The following PLEKHG1 variants were observed in gnomAD, a reference collection of about 807,000 sequenced individuals.
The protein encoded by PLEKHG1 is pleckstrin homology and RhoGEF domain containing G1.
A neutral mutation model predicts 100.8 loss-of-function variants in PLEKHG1; 44 were observed. That is an observed-to-expected ratio of 0.44 (90% CI 0.34 to 0.56). The LOEUF (loss-of-function observed/expected upper bound fraction) is 0.56, where lower values mean the gene tolerates loss of function less well. Ranked by LOEUF, PLEKHG1 falls within the 20% of genes least tolerant of loss-of-function variation. PLEKHG1 has a pLI of 0.01. For synonymous variants in PLEKHG1, 640 were observed against 662.5 expected (o/e 0.97, Z 0.52); for missense variants, 1,545 against 1,720.9 (o/e 0.90, Z 1.81).
intron 3 of PLEKHG1, among the ~76,000 whole-genome samples, chr6:150,687,303 G>A (rs1338730009): frequency 6.6e-6 from 1 of 152,126 alleles, no homozygotes; most frequent in African/African-American, 2.4e-5. Context: ...TTGCCTAGTA[G>A]GATGAAAAAG....
chr6:150,674,670 TCTCTCTCTCTCTCC>T (rs1408804277), intron 3 of PLEKHG1, among the ~76,000 whole-genome samples: 38 of 144,166 alleles, frequency 2.6e-4, no homozygotes, highest in Admixed American at 4.9e-4. Context: ...TCTCTCTCTC[TCTCTCTCTCTCTCC>T]CCCCTCTTCT....
chr6:150,769,807 A>G (rs1002586911), intron 3 of PLEKHG1, among the ~76,000 whole-genome samples: 1 of 152,068 alleles, frequency 6.6e-6, no homozygotes, highest in African/African-American at 2.4e-5. Context: ...GAGTATCCAC[A>G]CATACCTTAC....
intron 3 of PLEKHG1, among the ~76,000 whole-genome samples, chr6:150,652,692 C>T (rs1015623192): frequency 1.9e-4 from 28 of 150,998 alleles, no homozygotes; most frequent in African/African-American, 6.3e-4. Flanking sequence ...TGCACTCCAG[C>T]CTGGGCAACA....
exon 15 of PLEKHG1, chr6:150,830,705 A>C: frequency 6.2e-7 from 1 of 1,614,200 alleles, no homozygotes; most frequent in Non-Finnish European, 8.5e-7. Context: ...TCTCAGAAAC[A>C]TCTGGACCGA....
intron 4 of PLEKHG1, among the ~76,000 whole-genome samples, chr6:150,787,030 CAAAA>C (rs555809522): frequency 3.4e-5 from 2 of 58,008 alleles, no homozygotes; most frequent in Non-Finnish European, 4.1e-5. Context: ...GACTCTGTCT[CAAAA>C]AAAAAAAAAA....
At chr6:150,759,439 C>T (rs530707257) in intron 2 of PLEKHG1, among the ~76,000 whole-genome samples, 1 of 152,228 alleles carries the variant, frequency 6.6e-6, no homozygotes, top group Non-Finnish European at 1.5e-5. Flanking sequence ...CAGCAAACCC[C>T]TCCTCCTGTT....
intron 1 of PLEKHG1, among the ~76,000 whole-genome samples, chr6:150,721,940 AC>A (rs1262808589): frequency 2.0e-5 from 3 of 152,204 alleles, no homozygotes; most frequent in African/African-American, 7.2e-5. Flanking sequence ...GATATCTGAC[AC>A]CAATTGACAT....
At chr6:150,606,587 C>G (rs562089786) in intron 1 of PLEKHG1, among the ~76,000 whole-genome samples, 1 of 152,174 alleles carries the variant, frequency 6.6e-6, no homozygotes, top group African/African-American at 2.4e-5. Context: ...TCTGACCACC[C>G]TCTAAACTTG....
chr6:150,698,783 C>A (rs1292394674), intron 3 of PLEKHG1, among the ~76,000 whole-genome samples: 1 of 152,164 alleles, frequency 6.6e-6, no homozygotes, highest in African/African-American at 2.4e-5. Context: ...CAGTTCACCT[C>A]TTTAAAAGAC....
intron 6 of PLEKHG1, 57 bp downstream of exon 7, chr6:150,800,926 A>G (rs1786664805): frequency 6.8e-7 from 1 of 1,464,406 alleles, no homozygotes; most frequent in South Asian, 1.2e-5. Context: ...GTGTGTATAT[A>G]TTAAGTTTGG....
rs149790462 is a variant in PLEKHG1, at chr6:150,612,751, T to A, written c.-204+12734T>A. ...CTTCCCTGGTCACATTTGTTTCTCA[T>A]ACCTCAGGTCCAATCCATAGAAAAC... On this transcript the variant is annotated intron_variant, in intron 1 of 3. Coordinates refer to the PLEKHG1 transcript ENST00000367326. Among the ~76,000 whole-genome samples the A allele has an allele frequency of 4.3e-3, 651 of 152,294 alleles. 9 individuals are homozygous for A. Among genetic ancestry groups the A allele is most frequent in the African/African-American group, 0.015 (604 of 41,572 alleles).
intron 3 of PLEKHG1, among the ~76,000 whole-genome samples, chr6:150,681,705 AG>A (rs1280471661): frequency 6.6e-6 from 1 of 152,084 alleles, no homozygotes; most frequent in African/African-American, 2.4e-5. Context: ...CCCTAAATGC[AG>A]CCAGGAGCAG....
At chr6:150,809,920 A>T (rs979884806) in intron 10 of PLEKHG1, among the ~76,000 whole-genome samples, 186 bp downstream of exon 11, 1 of 150,946 alleles carries the variant, frequency 6.6e-6, no homozygotes, top group Non-Finnish European at 1.5e-5. Flanking sequence ...TTAGAATTAG[A>T]ATCTGGGAGT....
chr6:150,636,133 A>G (rs1437147256), intron 1 of PLEKHG1, among the ~76,000 whole-genome samples: 3 of 152,220 alleles, frequency 2.0e-5, no homozygotes, highest in Non-Finnish European at 2.9e-5. Flanking sequence ...AGTTTTCTCT[A>G]AAGAAAAAAA....
At chr6:150,773,984 T>G (rs139293482) in intron 3 of PLEKHG1, among the ~76,000 whole-genome samples, 145 of 152,328 alleles carry the variant, frequency 9.5e-4, no homozygotes, top group Non-Finnish European at 1.8e-3. Context: ...GACTAGAACA[T>G]TTTCTCTATT....
At chr6:150,678,375 A>G (rs571140087) in intron 3 of PLEKHG1, among the ~76,000 whole-genome samples, 1 of 152,198 alleles carries the variant, frequency 6.6e-6, no homozygotes, top group African/African-American at 2.4e-5. Flanking sequence ...AATAGCTTTC[A>G]CAACTCTACA....
At chr6:150,819,867 T>C in intron 12 of PLEKHG1, 93 bp downstream of exon 13, 1 of 795,200 alleles carries the variant, frequency 1.3e-6, no homozygotes. Flanking sequence ...TTCTGTCTGG[T>C]TTCTCAGCTC....
intron 3 of PLEKHG1, among the ~76,000 whole-genome samples, chr6:150,712,055 G>T (rs190748577): frequency 2.0e-5 from 3 of 152,284 alleles, no homozygotes; most frequent in Admixed American, 1.3e-4. Flanking sequence ...TAGCTCAGCT[G>T]GTTCAAACGA....
intron 10 of PLEKHG1, among the ~76,000 whole-genome samples, chr6:150,812,431 C>T (rs183255359): frequency 4.0e-4 from 61 of 152,138 alleles, no homozygotes; most frequent in African/African-American, 9.4e-4. Flanking sequence ...GAAGGCACTG[C>T]GCTAACAAGG....
Sources: allele counts gnomAD v4.1 joint callset (sites outside exome capture counted in the v4.1 genomes callset), GRCh38; gene constraint gnomAD v4.1.1; transcripts MANE v1.5; gene names NCBI Gene and HGNC (gene_info 2026-07-23, HGNC 2026-07-21).